Variants in EMP2 observed in about 807,000 individuals in gnomAD.
EMP2 encodes epithelial membrane protein 2.
Under a neutral mutation model 13.7 loss-of-function variants are expected in EMP2, and 19 were observed. The ratio of observed to expected loss-of-function variants is 1.38; its 90% CI spans 0.97 to 2.03. The LOEUF (loss-of-function observed/expected upper bound fraction) is 2.03, where lower values mean the gene tolerates loss of function less well. EMP2 is among the 30% of genes most tolerant of loss of function. EMP2 has a pLI of 0.00. For missense variants in EMP2, 253 were observed against 220.7 expected, an observed-to-expected ratio of 1.15 and a Z score of -0.93; for synonymous variants, 97 against 84.7, an observed-to-expected ratio of 1.15 and a Z score of -0.80.
intron 1 of EMP2, among the ~76,000 whole-genome samples, chr16:10,563,314 C>T (rs1301911747): frequency 6.6e-6 from 1 of 152,170 alleles, no homozygotes; most frequent in Non-Finnish European, 1.5e-5. Flanking sequence ...GCCTCAGTCT[C>T]CCAAGTAGCT....
intron 1 of EMP2, among the ~76,000 whole-genome samples, chr16:10,566,609 C>A (rs748467603): frequency 1.3e-5 from 2 of 152,228 alleles, no homozygotes; most frequent in Admixed American, 6.5e-5. Context: ...GTGCAGAAAA[C>A]AGCATTAAAC....
intron 1 of EMP2, among the ~76,000 whole-genome samples, chr16:10,557,631 G>A (rs2050841027): frequency 6.6e-6 from 1 of 152,084 alleles, no homozygotes; most frequent in African/African-American, 2.4e-5. Context: ...ACTCAGTGAG[G>A]TGGATCTCAC....
intron 1 of EMP2, among the ~76,000 whole-genome samples, chr16:10,550,956 CAG>C (rs1441131570): frequency 1.4e-5 from 2 of 140,782 alleles, no homozygotes; most frequent in South Asian, 2.3e-4. Flanking sequence ...GCCTGGGTGA[CAG>C]AGAGAGATTC....
At chr16:10,556,295 C>A (rs1223358767) in intron 1 of EMP2, among the ~76,000 whole-genome samples, 1 of 151,984 alleles carries the variant, frequency 6.6e-6, no homozygotes, top group African/African-American at 2.4e-5. Context: ...TTTTTAAAAT[C>A]ATTTCAAGTC....
At chr16:10,558,276 C>G (rs2050847120) in intron 1 of EMP2, among the ~76,000 whole-genome samples, 1 of 152,196 alleles carries the variant, frequency 6.6e-6, no homozygotes, top group South Asian at 2.1e-4. Flanking sequence ...ATCCTCCCAC[C>G]TTGGCCTCCC....
intron 3 of EMP2, 80 bp downstream of exon 3, chr16:10,543,490 T>A (rs1056363712): frequency 6.7e-6 from 10 of 1,497,808 alleles, no homozygotes; most frequent in African/African-American, 1.4e-5. Context: ...GGGTACGGAG[T>A]CGGGGAACCC....
Position 10,563,657 on chromosome 16 carries a change from G to C in EMP2, c.-60-15980C>G, listed in dbSNP as rs148208184. On this transcript the variant is annotated intron_variant, in intron 1 of 4. Coordinates refer to ENST00000359543, the MANE Select transcript of EMP2 (RefSeq NM_001424.6). ...GTTAACGTGGAAGTTAACATAGGAA[G>C]GGGTCACAGGGTAGAAGATGAGCAG... Among the ~76,000 whole-genome samples the C allele has an allele frequency of 2.1e-3, 317 of 152,328 alleles. 1 individual carries two copies. The highest frequency in any genetic ancestry group is 7.2e-3 in the African/African-American group (299 of 41,568).
intron 1 of EMP2, among the ~76,000 whole-genome samples, chr16:10,553,386 T>C (rs1234655423): frequency 6.6e-6 from 1 of 152,110 alleles, no homozygotes; most frequent in Non-Finnish European, 1.5e-5. Flanking sequence ...GTCCCGCCCC[T>C]CACTCATCTC....
rs2050749173 is a variant in EMP2 at position 10,547,554 on chromosome 16, C to T, written c.64G>A (p.Ala22Thr). Reference protein sequence around the residue: ...HITSAALLFIATVDNAWWVGD... With the variant: ...HITSAALLFITTVDNAWWVGD... Reference sequence around the variant, plus strand: ...AGGAAACTTACATTGTCGACGGTGGCAATGAACAGCAAGGCTGCAGAGGTG... The same window carrying T: ...AGGAAACTTACATTGTCGACGGTGGTAATGAACAGCAAGGCTGCAGAGGTG... Residue 22 changes from alanine to threonine, a missense_variant, in exon 2 of 5, where the codon GCC becomes ACC. Ala to Thr is a moderately conservative substitution (Grantham distance 58). Transcript: ENST00000359543. The T allele has an allele frequency of 6.2e-7, 1 of 1,613,886 alleles. No homozygotes were observed.
At chr16:10,555,955 C>A (rs1423979369) in intron 1 of EMP2, among the ~76,000 whole-genome samples, 2 of 152,136 alleles carry the variant, frequency 1.3e-5, no homozygotes, top group Admixed American at 1.3e-4. Context: ...CCAAACAATA[C>A]TCATGCACTT....
intron 1 of EMP2, among the ~76,000 whole-genome samples, chr16:10,567,037 G>A (rs1427005639): frequency 6.6e-6 from 1 of 152,138 alleles, no homozygotes; most frequent in East Asian, 1.9e-4. Flanking sequence ...CAACTCCTAA[G>A]TCAGCAGAGA....
chr16:10,566,548 T>A (rs917433315), intron 1 of EMP2, among the ~76,000 whole-genome samples: 2 of 151,900 alleles, frequency 1.3e-5, no homozygotes, highest in Admixed American at 1.3e-4. Context: ...TGATTTAATG[T>A]CATGTGATGA....
intron 1 of EMP2, among the ~76,000 whole-genome samples, chr16:10,549,034 A>T (rs949450061): frequency 1.3e-5 from 2 of 152,208 alleles, no homozygotes; most frequent in Non-Finnish European, 2.9e-5. Context: ...TGCAGAAGAG[A>T]GCAGGTATGA....
chr16:10,529,237 A>G lies in EMP2; in HGVS notation c.*3668T>C, dbSNP rs2050578559. 1 of 152,218 alleles carries G rather than the reference A, an allele frequency of 6.6e-6. No homozygotes were observed. Among genetic ancestry groups the G allele is most frequent in the Non-Finnish European group, 1.5e-5 (1 of 68,028 alleles). 9.4% of individuals were successfully genotyped at this position (152,218 alleles called of 1,614,324 possible). ...ACAGTTGATGCTATCTTTGGTCCTAATATGTGCTTCTTGGATGTCTACTAA... is the reference window on the plus strand; with the variant it reads ...ACAGTTGATGCTATCTTTGGTCCTAGTATGTGCTTCTTGGATGTCTACTAA... On this transcript the variant is annotated 3_prime_UTR_variant, in exon 5 of 5. Transcript: ENST00000359543.
intron 2 of EMP2, among the ~76,000 whole-genome samples, chr16:10,543,917 TG>T (rs1157322428): frequency 6.6e-6 from 1 of 152,200 alleles, no homozygotes; most frequent in Non-Finnish European, 1.5e-5. Flanking sequence ...TGGAGGGCAG[TG>T]GCACAGTCTT....
chr16:10,575,895 G>A (rs2050981149), intron 1 of EMP2, among the ~76,000 whole-genome samples: 2 of 151,968 alleles, frequency 1.3e-5, no homozygotes, highest in African/African-American at 4.8e-5. Context: ...GGGCCTCTTT[G>A]CAAAAGAAGG....
intron 1 of EMP2, among the ~76,000 whole-genome samples, chr16:10,574,742 G>A (rs575063428): frequency 3.9e-5 from 6 of 151,902 alleles, no homozygotes; most frequent in Non-Finnish European, 7.4e-5. Flanking sequence ...AGTAGAGACA[G>A]GGTTTCACCA....
intron 1 of EMP2, among the ~76,000 whole-genome samples, chr16:10,548,230 C>T (rs565423152): frequency 2.1e-4 from 32 of 152,236 alleles, no homozygotes; most frequent in African/African-American, 7.5e-4. Flanking sequence ...AAAAGCATCA[C>T]GTCTCTTGGG....
intron 1 of EMP2, among the ~76,000 whole-genome samples, chr16:10,575,284 C>T (rs1219467304): frequency 6.2e-5 from 5 of 81,296 alleles, no homozygotes; most frequent in East Asian, 4.4e-4. Flanking sequence ...GACAGAGTCT[C>T]GCTCCGTCGC....
Sources: allele counts gnomAD v4.1 joint callset (sites outside exome capture counted in the v4.1 genomes callset), GRCh38; gene constraint gnomAD v4.1.1; transcripts MANE v1.5; gene names NCBI Gene and HGNC (gene_info 2026-07-23, HGNC 2026-07-21).